CNTNAP4: variants seen among roughly 807,000 people sequenced by gnomAD.
CNTNAP4 encodes the protein contactin-associated protein-like 4.
In CNTNAP4, 98 loss-of-function variants were observed where a neutral mutation model predicts 148.4. The observed-to-expected ratio is 0.66, with a 90% CI of 0.56 to 0.78. CNTNAP4 has a LOEUF of 0.78. Among genes scored for constraint, CNTNAP4 ranks in the 30% least tolerant of loss-of-function variants. The pLI, the probability that CNTNAP4 is intolerant of heterozygous loss-of-function variation, is 0.00. For missense variants in CNTNAP4, 1,935 were observed against 1,565.6 expected, an observed-to-expected ratio of 1.24 and a Z score of -3.98; for synonymous variants, 730 against 565.1, an observed-to-expected ratio of 1.29 and a Z score of -4.14.
chr16:76,279,938 A>T (rs1432308155), intron 1 of CNTNAP4, among the ~76,000 whole-genome samples: 1 of 152,156 alleles, frequency 6.6e-6, no homozygotes, highest in Admixed American at 6.5e-5. Context: ...CCTTTTTGGA[A>T]GGACAAGTGT....
At chr16:76,464,730 G>C (rs972224601) in intron 9 of CNTNAP4, among the ~76,000 whole-genome samples, 3 of 152,104 alleles carry the variant, frequency 2.0e-5, no homozygotes, top group Admixed American at 1.3e-4. Context: ...GGGAGAGTGG[G>C]CTGCTCCTGA....
intron 15 of CNTNAP4, among the ~76,000 whole-genome samples, chr16:76,503,547 A>G (rs1207668271): frequency 1.3e-5 from 2 of 152,180 alleles, no homozygotes; most frequent in South Asian, 4.1e-4. Flanking sequence ...TTATTATTAT[A>G]CTTTAAGTTC....
rs142616268 is a variant in CNTNAP4 at position 76,528,975 on chromosome 16, C to A, written c.2756-6570C>A. On this transcript the variant is annotated intron_variant, in intron 17 of 23. Transcript: ENST00000611870. Reference sequence around the variant, plus strand: ...CTAATCTAAACTGTAGGATGTCATGCAAAGTAAAGGAAGAATAAAATAATG... The same window carrying A: ...CTAATCTAAACTGTAGGATGTCATGAAAAGTAAAGGAAGAATAAAATAATG... Among the ~76,000 whole-genome samples, 4 of 152,152 alleles carry A rather than the reference C, an allele frequency of 2.6e-5. No homozygotes were observed. The East Asian group carries it at 7.7e-4, about 29-fold the overall frequency.
chr16:76,513,827 G>A (rs534858985), intron 15 of CNTNAP4, among the ~76,000 whole-genome samples: 8 of 152,214 alleles, frequency 5.3e-5, no homozygotes, highest in Non-Finnish European at 7.4e-5. Context: ...GACTTTAACC[G>A]TGTAAATAAA....
intron 2 of CNTNAP4, among the ~76,000 whole-genome samples, chr16:76,348,180 G>A (rs928187331): frequency 6.6e-6 from 1 of 151,222 alleles, no homozygotes; most frequent in Non-Finnish European, 1.5e-5. Flanking sequence ...AAGGGGTCAA[G>A]CGTGACTCTT....
intron 17 of CNTNAP4, among the ~76,000 whole-genome samples, chr16:76,525,550 G>A (rs2083683922): frequency 6.8e-6 from 1 of 146,320 alleles, no homozygotes; most frequent in South Asian, 2.1e-4. Flanking sequence ...AGAGACAAGA[G>A]ACAGCCAATA....
In CNTNAP4 at chr16:76,332,627, TTCTC is replaced by T. The variant is rs1188967478; in HGVS notation, c.196+16111_196+16114del. Among the ~76,000 whole-genome samples the T allele has an allele frequency of 2.6e-5, 4 of 152,278 alleles. No individual in the cohort carries two copies. The East Asian group carries it at 7.7e-4, about 29-fold the overall frequency. ...ATTTATTTAAATATTCTTTCAGCCA[TTCTC>T]TCTCTCCTATCCTTCTGAGATTCCC... On this transcript the variant is annotated intron_variant, in intron 2 of 23. Coordinates refer to ENST00000611870, the MANE Select transcript of CNTNAP4 (RefSeq NM_033401.5).
Position 76,506,630 on chromosome 16 carries a change from C to T in CNTNAP4, c.2365+7936C>T, listed in dbSNP as rs2082848247. On this transcript the variant is annotated intron_variant, in intron 15 of 23. Transcript: ENST00000611870. Reference sequence around the variant, plus strand: ...GGATTACAGGCGTGTGCCACCAGGACCAGTTAATTTTTGTGTTTTTAGTAG... The same window carrying T: ...GGATTACAGGCGTGTGCCACCAGGATCAGTTAATTTTTGTGTTTTTAGTAG... Among the ~76,000 whole-genome samples, 2 of 92,922 alleles carry T rather than the reference C, an allele frequency of 2.2e-5. 1 individual carries two copies. Among genetic ancestry groups the T allele is most frequent in the Non-Finnish European group, 6.1e-5 (2 of 32,792 alleles). 61.0% of individuals were successfully genotyped at this position (92,922 alleles called of 152,430 possible). A position where few individuals can be genotyped will look rare whatever the true frequency, so the allele number is the denominator to read the frequency against.
At chr16:76,526,986 C>T (rs2083761381) in intron 17 of CNTNAP4, among the ~76,000 whole-genome samples, 1 of 152,134 alleles carries the variant, frequency 6.6e-6, no homozygotes, top group Admixed American at 6.5e-5. Context: ...CTTTGAATTT[C>T]ACTTGGAGTT....
chr16:76,523,805 G>A (rs1019889405), intron 17 of CNTNAP4, among the ~76,000 whole-genome samples: 1 of 151,990 alleles, frequency 6.6e-6, no homozygotes, highest in Non-Finnish European at 1.5e-5. Context: ...GGTGGCACTC[G>A]CCTGTAATCC....
chr16:76,444,155 T>TAA (rs1446398605), intron 4 of CNTNAP4, among the ~76,000 whole-genome samples: 1 of 152,154 alleles, frequency 6.6e-6, no homozygotes, highest in Non-Finnish European at 1.5e-5. Context: ...ACTAGGTAGA[T>TAA]ACGCAAGAAG....
At chr16:76,495,128 A>G in intron 14 of CNTNAP4, 62 bp downstream of exon 14, 1 of 1,558,470 alleles carries the variant, frequency 6.4e-7, no homozygotes, top group Non-Finnish European at 8.8e-7. Flanking sequence ...AATCACTCAA[A>G]GTATGTATAG....
At chr16:76,294,461 A>G (rs1428761) in intron 1 of CNTNAP4, among the ~76,000 whole-genome samples, 5,947 of 152,234 alleles carry the variant, frequency 0.039, 393 homozygotes, top group African/African-American at 0.14. Flanking sequence ...CACTGGCTGA[A>G]TATGTTTCAT....
intron 17 of CNTNAP4, among the ~76,000 whole-genome samples, chr16:76,525,495 A>G (rs896600568): frequency 2.0e-5 from 3 of 148,070 alleles, no homozygotes; most frequent in South Asian, 2.1e-4. Flanking sequence ...ATAACTATAT[A>G]TAGTTTTTAT....
At chr16:76,489,577 T>G in intron 12 of CNTNAP4, 109 bp from the exon 13 acceptor site, 1 of 557,672 alleles carries the variant, frequency 1.8e-6, no homozygotes, top group Non-Finnish European at 2.9e-6. Flanking sequence ...GTTTGATGAC[T>G]AGAAACATTT....
intron 13 of CNTNAP4, among the ~76,000 whole-genome samples, chr16:76,493,117 A>C (rs921419733): frequency 2.0e-5 from 3 of 152,130 alleles, no homozygotes; most frequent in Admixed American, 6.6e-5. Flanking sequence ...AATAGATTTG[A>C]AGTGGAGAGA....
intron 1 of CNTNAP4, among the ~76,000 whole-genome samples, chr16:76,301,363 C>T (rs1959949009): frequency 6.6e-6 from 1 of 152,034 alleles, no homozygotes; most frequent in South Asian, 2.1e-4. Context: ...TTTTTAAAAA[C>T]TGTGTTTGAG....
intron 17 of CNTNAP4, among the ~76,000 whole-genome samples, chr16:76,527,095 G>A (rs565019148): frequency 6.6e-6 from 1 of 152,088 alleles, no homozygotes; most frequent in Non-Finnish European, 1.5e-5. Context: ...CCATAAGCTT[G>A]CCAGGCTGCA....
At chr16:76,302,874 C>T (rs1171241313) in intron 1 of CNTNAP4, among the ~76,000 whole-genome samples, 1 of 152,120 alleles carries the variant, frequency 6.6e-6, no homozygotes, top group Non-Finnish European at 1.5e-5. Context: ...TGCCACGATG[C>T]TGCATGTTGT....
Sources: gnomAD v4.1 joint callset for allele counts (sites outside exome capture counted in the v4.1 genomes callset) on GRCh38, gnomAD v4.1.1 for gene constraint, MANE v1.5 for transcripts, NCBI Gene and HGNC (gene_info 2026-07-23, HGNC 2026-07-21) for gene names.